ERV3-1: variants seen among roughly 807,000 people sequenced by gnomAD.
ERV3-1 encodes the protein endogenous retrovirus group 3 member 1 Env polyprotein.
ERV3-1 carries 36 observed loss-of-function variants against 24.6 expected under a neutral mutation model. The ratio of observed to expected loss-of-function variants is 1.47; its 90% CI spans 1.12 to 1.94. The LOEUF (loss-of-function observed/expected upper bound fraction) is 1.94. Among genes scored for constraint, ERV3-1 ranks in the 30% most tolerant of loss-of-function variants. The pLI is 0.00. For missense variants in ERV3-1, 578 were observed against 330.9 expected (o/e 1.75, Z -5.79); for synonymous variants, 211 against 122.6 (o/e 1.72, Z -4.76).
At chr7:64,993,513 C>A (rs1562652923) in intron 1 of ERV3-1, 99 bp from the exon 2 acceptor site, 1 of 155,918 alleles carries the variant, frequency 6.4e-6, no homozygotes, top group African/African-American at 2.4e-5. Flanking sequence ...AAGAGAGTCC[C>A]TGGGTTTAAA....
At chr7:64,996,248 T>C (rs1786406872) in intron 1 of ERV3-1, among the ~76,000 whole-genome samples, 1 of 152,190 alleles carries the variant, frequency 6.6e-6, no homozygotes, top group African/African-American at 2.4e-5. Context: ...GTGACTGGCA[T>C]TGGATTATGA....
Position 64,991,603 on chromosome 7 carries a change from A to G in ERV3-1, c.1424T>C (p.Ile475Thr), listed in dbSNP as rs190403100. The change falls in exon 2 of 2, where the codon ATA becomes ACA. Residue 475 changes from isoleucine (I) to threonine (T), a missense_variant. Transcript: ENST00000394323. ...TKRKSKRGIT[I>T]GDWKDNEWPP... ...CCATTCATTGTCCTTCCAATCTCCT[A>G]TAGTTATGCCTCTTTTGCTTTTCCT... is the stretch of plus-strand genomic sequence containing the variant. 1 of 704,102 alleles carries G rather than the reference A, an allele frequency of 1.4e-6. No homozygotes were observed. The highest frequency in any genetic ancestry group is 1.7e-5 in the African/African-American group (1 of 57,340). The allele number at this position is 704,102 out of a possible 1,614,324, so 43.6% of individuals were successfully genotyped here. A position where few individuals can be genotyped will look rare whatever the true frequency, so the allele number is the denominator to read the frequency against.
In ERV3-1 at chr7:64,991,993, C is replaced by G. The variant is rs768588201; in HGVS notation, c.1034G>C (p.Cys345Ser). 2 of 766,380 alleles carry G rather than the reference C, an allele frequency of 2.6e-6. No homozygotes were observed. The highest frequency in any genetic ancestry group is 2.4e-5 in the East Asian group (1 of 41,246). The allele number at this position is 766,380 out of a possible 1,614,324, so 47.5% of individuals were successfully genotyped here. Reference protein sequence around the residue: ...FLKTSIIGKFCIARWGKAFTD... With the variant: ...FLKTSIIGKFSIARWGKAFTD... The stretch of plus-strand genomic sequence containing the variant: ...AAAGGCCTTTCCCCAGCGAGCAATA[C>G]AGAATTTTCCAATAATGGAGGTTTT... The change falls in exon 2 of 2, where the codon TGT becomes TCT. Residue 345 changes from cysteine (C) to serine (S), a missense_variant. Physicochemically the swap from Cys to Ser is moderately radical, Grantham distance 112. Coordinates refer to ENST00000394323, the MANE Select transcript of ERV3-1 (RefSeq NM_001007253.4).
At position 64,992,625 on chromosome 7, in the gene ERV3-1, G is replaced by A. The variant is rs555502919; in HGVS notation, c.402C>T (p.Pro134=). 2.0e-5 allele frequency: 15 copies of A among 766,354 alleles called. No individual in the cohort carries two copies. The highest frequency in any genetic ancestry group is 7.3e-5 in the East Asian group (3 of 41,234). 47.5% of individuals were successfully genotyped at this position (766,354 alleles called of 1,614,324 possible). ...AGTACTCCATGGAACTGAAGATTAC[G>A]GGAAAGAGTGAGCCCATGGATACTA... ...CQIVSMGSLF[P]VIFSSMEYYS... is the part of the protein sequence containing the mutation. Residue 134 remains proline, a synonymous_variant, in exon 2 of 2, where the codon CCC becomes CCT. Coordinates refer to ENST00000394323, the MANE Select transcript of ERV3-1 (RefSeq NM_001007253.4).
rs1786394133 is a variant in ERV3-1, at chr7:64,995,750, C to T, written c.-388-2336G>A. On this transcript the variant is annotated intron_variant, in intron 1 of 1. Coordinates refer to ENST00000394323, the MANE Select transcript of ERV3-1 (RefSeq NM_001007253.4). ...GGGCCTTCTTTTTGGATACTCTATA[C>T]CCTGCTTTCCATAAGAGATGGAGGA... Among the ~76,000 whole-genome samples the T allele has an allele frequency of 2.6e-5, 4 of 152,346 alleles. 1 individual carries two copies. The South Asian group carries it at 8.3e-4, about 32-fold the overall frequency.
rs1048877796 is a variant in ERV3-1 at position 64,991,060 on chromosome 7, A to C, written c.*152T>G. The C allele has an allele frequency of 1.7e-5, 10 of 572,646 alleles. No individual in the cohort carries two copies. The highest frequency in any genetic ancestry group is 3.1e-5 in the Non-Finnish European group (10 of 322,496). 35.5% of individuals were successfully genotyped at this position (572,646 alleles called of 1,614,324 possible). A position where few individuals can be genotyped will look rare whatever the true frequency, so the allele number is the denominator to read the frequency against. ...TCGTGTGGTAGTCCGTCTGTCCACA[A>C]GAGCCTCTATGGCTGTTTGGATATT... is the stretch of plus-strand genomic sequence containing the variant. On this transcript the variant is annotated 3_prime_UTR_variant, in exon 2 of 2. Transcript: ENST00000394323.
chr7:64,992,606 C>T lies in ERV3-1; in HGVS notation c.421G>A (p.Glu141Lys), dbSNP rs2129122374. The T allele has an allele frequency of 1.3e-6, 1 of 766,316 alleles. No individual in the cohort carries two copies. Among genetic ancestry groups the T allele is most frequent in the Non-Finnish European group, 2.4e-6 (1 of 417,890 alleles). The allele number at this position is 766,316 out of a possible 1,614,324, so 47.5% of individuals were successfully genotyped here. A position where few individuals can be genotyped will look rare whatever the true frequency, so the allele number is the denominator to read the frequency against. ...TTTTTATGGCAGCTACTATAGTACT[C>T]CATGGAACTGAAGATTACGGGAAAG... ...SLFPVIFSSM[E>K]YYSSCHKNRY... The change falls in exon 2 of 2, where the codon GAG (glutamate) becomes AAG (lysine). Residue 141 changes from glutamate to lysine, a missense_variant. By Grantham distance (56) the Glu-to-Lys change is moderately conservative (BLOSUM62 1). Transcript: ENST00000394323.
intron 1 of ERV3-1, among the ~76,000 whole-genome samples, chr7:64,995,808 G>A (rs1465085830): frequency 6.6e-6 from 1 of 152,240 alleles, no homozygotes; most frequent in Non-Finnish European, 1.5e-5. Context: ...GTCCTCTTGG[G>A]TTGGGGCTGC....
At position 64,991,389 on chromosome 7, in the gene ERV3-1, G is replaced by T. The variant is rs375719949; in HGVS notation, c.1638C>A (p.Val546=). 1.4e-6 allele frequency: 1 copy of T among 704,018 alleles called. No homozygotes were observed. The highest frequency in any genetic ancestry group is 1.5e-5 in the South Asian group (1 of 67,594). 43.6% of individuals were successfully genotyped at this position (704,018 alleles called of 1,614,324 possible). The change falls in exon 2 of 2, where the codon GTC becomes GTA. Residue 546 remains valine, a synonymous_variant. Transcript: ENST00000394323. ...LAQQATKMRN[V]IYQNRLALDY... is the part of the protein sequence containing the mutation. Reference sequence around the variant, plus strand: ...CTAAGGCCAGTCTATTTTGATAAATGACATTTCTCATTTTTGTGGCTTGCT... The same window carrying T: ...CTAAGGCCAGTCTATTTTGATAAATTACATTTCTCATTTTTGTGGCTTGCT...
chr7:65,001,866 C>T (rs2129124290), intron 1 of ERV3-1, among the ~76,000 whole-genome samples: 1 of 152,326 alleles, frequency 6.6e-6, no homozygotes, highest in Non-Finnish European at 1.5e-5. Context: ...AGGGCTCAAT[C>T]TCACAACACT....
intron 1 of ERV3-1, among the ~76,000 whole-genome samples, chr7:64,998,676 T>C (rs973729236): frequency 6.6e-6 from 1 of 152,192 alleles, no homozygotes; most frequent in Non-Finnish European, 1.5e-5. Flanking sequence ...TGCAGGAGTA[T>C]TTCAGACACT....
chr7:64,997,001 TTA>T (rs1474571190), intron 1 of ERV3-1, among the ~76,000 whole-genome samples: 3 of 152,228 alleles, frequency 2.0e-5, no homozygotes, highest in African/African-American at 7.2e-5. Context: ...TTTTCCAGTT[TTA>T]TAGTCTCTGT....
Position 64,993,110 on chromosome 7 carries a change from T to C in ERV3-1, c.-84A>G, listed in dbSNP as rs1366232291. On this transcript the variant is annotated 5_prime_UTR_variant, in exon 2 of 2. Coordinates refer to ENST00000394323, the MANE Select transcript of ERV3-1 (RefSeq NM_001007253.4). ...AAAGTAATTAATATGACAAGGAAAATTACTGGACTTCAGATTTCTAACCAC... is the reference window on the plus strand; with the variant it reads ...AAAGTAATTAATATGACAAGGAAAACTACTGGACTTCAGATTTCTAACCAC... The C allele has an allele frequency of 1.1e-5, 7 of 615,636 alleles. No individual in the cohort carries two copies. In the East Asian group the frequency reaches 1.9e-4, roughly 17 times the overall value. 38.1% of individuals were successfully genotyped at this position (615,636 alleles called of 1,614,324 possible). A position where few individuals can be genotyped will look rare whatever the true frequency, so the allele number is the denominator to read the frequency against.
chr7:64,992,643 G>T lies in ERV3-1; in HGVS notation c.384C>A (p.Ser128=), dbSNP rs757920463. The change falls in exon 2 of 2, where the codon TCC becomes TCA. Residue 128 remains serine (S), a synonymous_variant. Transcript: ENST00000394323. The part of the protein sequence containing the change: ...SLYFDVCQIV[S]MGSLFPVIFS... ...AGATTACGGGAAAGAGTGAGCCCATGGATACTATCTGGCAAACATCAAAGT... is the reference window on the plus strand; with the variant it reads ...AGATTACGGGAAAGAGTGAGCCCATTGATACTATCTGGCAAACATCAAAGT... 9.4e-5 allele frequency: 72 copies of T among 765,970 alleles called. 1 individual carries two copies. The South Asian group carries it at 9.7e-4, about 10-fold the overall frequency. 47.4% of individuals were successfully genotyped at this position (765,970 alleles called of 1,614,324 possible). A position where few individuals can be genotyped will look rare whatever the true frequency, so the allele number is the denominator to read the frequency against.
Position 64,990,399 on chromosome 7 carries a change from C to T in ERV3-1, c.*813G>A, listed in dbSNP as rs147318724. ...TTTATTTAGGTGGCCACTGGCCCAG[C>T]GGATTAACATCCAAAGGCTGAGCCC... On this transcript the variant is annotated 3_prime_UTR_variant, in exon 2 of 2. Transcript: ENST00000394323. 1.9e-3 allele frequency: 348 copies of T among 184,874 alleles called. 1 individual carries two copies. Among genetic ancestry groups the T allele is most frequent in the African/African-American group, 6.3e-3 (264 of 41,692 alleles). The allele number at this position is 184,874 out of a possible 1,614,324, so 11.5% of individuals were successfully genotyped here. A position where few individuals can be genotyped will look rare whatever the true frequency, so the allele number is the denominator to read the frequency against.
Position 65,002,670 on chromosome 7 carries a change from TC to T in ERV3-1, c.-389+3870del, listed in dbSNP as rs1288632545. 1.3e-4 allele frequency among the ~76,000 whole-genome samples: 20 copies of T among 152,200 alleles called. 1 individual carries two copies. Among genetic ancestry groups the T allele is most frequent in the Admixed American group, 6.5e-5 (1 of 15,290 alleles). On this transcript the variant is annotated intron_variant, in intron 1 of 1. Transcript: ENST00000394323. The stretch of plus-strand genomic sequence containing the variant: ...AAACTTTACTTAAGTTTATCTCCTT[TC>T]CACAGGCTCCTGAACTTTGAGCTAC...
At chr7:64,998,899 C>T (rs1786462249) in intron 1 of ERV3-1, among the ~76,000 whole-genome samples, 2 of 152,138 alleles carry the variant, frequency 1.3e-5, no homozygotes, top group South Asian at 2.1e-4. Context: ...CTTTTGGAAC[C>T]ATCTCTTTCA....
In ERV3-1 at chr7:65,006,213, G is replaced by A. The variant is rs570675412; in HGVS notation, c.-389+328C>T. On this transcript the variant is annotated intron_variant, in intron 1 of 1. Transcript: ENST00000394323. ...TTCCCATTCATGAACTCTGCATCCT[G>A]AGTCAGTATTCTCCCCTGACGACCG... 28 of 350,366 alleles carry A rather than the reference G, an allele frequency of 8.0e-5. 2 individuals carry two copies. The South Asian group carries it at 8.8e-4, about 11-fold the overall frequency. 21.7% of individuals were successfully genotyped at this position (350,366 alleles called of 1,614,324 possible).
Position 64,992,251 on chromosome 7 carries a change from TCA to T in ERV3-1, c.774_775del (p.Tyr258Ter), listed in dbSNP as rs772514230. 2 of 766,376 alleles carry T rather than the reference TCA, an allele frequency of 2.6e-6. No individual in the cohort carries two copies. Among genetic ancestry groups the T allele is most frequent in the Admixed American group, 3.4e-5 (2 of 59,028 alleles). The allele number at this position is 766,376 out of a possible 1,614,324, so 47.5% of individuals were successfully genotyped here. A position where few individuals can be genotyped will look rare whatever the true frequency, so the allele number is the denominator to read the frequency against. Reference sequence around the variant, plus strand: ...CTCAGGCAATTTCTGGTTAACATGCTCATAGAATGACTCAAAAACTCGGAACT... The same window carrying T: ...CTCAGGCAATTTCTGGTTAACATGCTTAGAATGACTCAAAAACTCGGAACT... On this transcript the variant is annotated stop_gained and frameshift_variant, in exon 2 of 2. Transcript: ENST00000394323. LOFTEE classifies it high-confidence loss of function.
Sources: gnomAD v4.1 joint callset for allele counts (sites outside exome capture counted in the v4.1 genomes callset) on GRCh38, gnomAD v4.1.1 for gene constraint, MANE v1.5 for transcripts, NCBI Gene and HGNC (gene_info 2026-07-23, HGNC 2026-07-21) for gene names.